The following CEP290 variants were observed in gnomAD, a reference collection of about 807,000 sequenced individuals.
CEP290 encodes centrosomal protein of 290 kDa.
A neutral mutation model predicts 344.9 loss-of-function variants in CEP290; 317 were observed. The ratio of observed to expected loss-of-function variants is 0.92; its 90% CI spans 0.84 to 1.01. The LOEUF (loss-of-function observed/expected upper bound fraction) is 1.01. Ranked by LOEUF, CEP290 falls within the 50% of genes least tolerant of loss-of-function variation. CEP290 has a pLI of 0.00. For synonymous variants in CEP290, 932 were observed against 895.8 expected, an observed-to-expected ratio of 1.04 and a Z score of -0.72; for missense variants, 2,754 against 2,761.4, an observed-to-expected ratio of 1.00 and a Z score of 0.06.
At chr12:88,089,624 C>T (rs1427047654) in intron 30 of CEP290, 137 bp from the exon 31 acceptor site, 3 of 555,504 alleles carry the variant, frequency 5.4e-6, no homozygotes, top group Non-Finnish European at 8.7e-6. Flanking sequence ...TGTAACTTTG[C>T]TTTAATACAA....
chr12:88,105,023 T>C (rs973367706), intron 25 of CEP290, among the ~76,000 whole-genome samples: 2 of 152,170 alleles, frequency 1.3e-5, no homozygotes, highest in African/African-American at 4.8e-5. Flanking sequence ...ACTGAGAGAC[T>C]AGTGGCAATG....
At chr12:88,139,910 G>A (rs1206587738) in intron 3 of CEP290, among the ~76,000 whole-genome samples, 2 of 151,986 alleles carry the variant, frequency 1.3e-5, no homozygotes, top group Non-Finnish European at 1.5e-5. Context: ...CATGCTTGGT[G>A]TGCCATCATG....
chr12:88,054,341 T>C lies in CEP290; in HGVS notation c.7033A>G (p.Arg2345Gly). The C allele has an allele frequency of 1.3e-6, 2 of 1,597,196 alleles. No homozygotes were observed. The highest frequency in any genetic ancestry group is 2.3e-5 in the South Asian group (2 of 87,424). The change falls in exon 51 of 54, where the codon AGA (arginine) becomes GGA (glycine). Residue 2345 changes from arginine (R) to glycine (G), a missense_variant and splice_region_variant. Arg to Gly is a moderately radical substitution (Grantham distance 125). Coordinates refer to ENST00000552810, the MANE Select transcript of CEP290 (RefSeq NM_025114.4). The stretch of plus-strand genomic sequence containing the variant: ...TAGTCATATGAATACATGATGTACC[T>C]AAGAACTTGAAGCTCCCGTTTAAGG... The part of the protein sequence containing the change: ...QGLKRELQVL[R>G]LANHQLDKEK...
At chr12:88,073,804 C>T (rs954416653) in intron 41 of CEP290, among the ~76,000 whole-genome samples, 1 of 152,126 alleles carries the variant, frequency 6.6e-6, no homozygotes, top group African/African-American at 2.4e-5. Flanking sequence ...CAAATTCTCA[C>T]TAAGATTAGT....
At position 88,117,041 on chromosome 12, in the gene CEP290, G is replaced by T; in HGVS notation, c.1816C>A (p.Gln606Lys). Residue 606 changes from glutamine to lysine, a missense_variant, in exon 18 of 54, where the codon CAA becomes AAA. Gln to Lys is a moderately conservative substitution (Grantham distance 53, BLOSUM62 1). Coordinates refer to ENST00000552810, the MANE Select transcript of CEP290 (RefSeq NM_025114.4). ...CAATACTTTACTATTACCTTTGATT[G>T]TGCTTCACTCATATTTTTGAGGCTC... ...LLSLKNMSEA[Q>K]SKNEFLSREL... 5 of 1,345,566 alleles carry T rather than the reference G, an allele frequency of 3.7e-6. No individual in the cohort carries two copies. The highest frequency in any genetic ancestry group is 1.3e-5 in the South Asian group (1 of 78,992). The allele number at this position is 1,345,566 out of a possible 1,614,324, so 83.4% of individuals were successfully genotyped here.
rs760489690 is a variant in CEP290 at position 88,136,742 on chromosome 12, A to T, written c.342T>A (p.Arg114=). The T allele has an allele frequency of 6.2e-7, 1 of 1,613,780 alleles. No individual in the cohort carries two copies. The highest frequency in any genetic ancestry group is 1.1e-5 in the South Asian group (1 of 91,082). ...SAGGRDTRFL[R]NEICQLEKQL... is the part of the protein sequence containing the mutation. The stretch of plus-strand genomic sequence containing the variant: ...GTTTTTCAAGTTGGCAAATTTCATT[A>T]CGTAAAAACCGAGTATCTCGTCCAC... The change falls in exon 6 of 54, where the codon CGT becomes CGA. Residue 114 remains arginine, a synonymous_variant. Coordinates refer to ENST00000552810, the MANE Select transcript of CEP290 (RefSeq NM_025114.4).
chr12:88,134,216 T>C lies in CEP290; in HGVS notation c.441+2427A>G, dbSNP rs115348501. Reference sequence around the variant, plus strand: ...TGTTCCTCCTTAATGAATGGCACTATCTACCTATTTAGTGGCCCAACCCAC... The same window carrying C: ...TGTTCCTCCTTAATGAATGGCACTACCTACCTATTTAGTGGCCCAACCCAC... On this transcript the variant is annotated intron_variant, in intron 6 of 53. Coordinates refer to ENST00000552810, the MANE Select transcript of CEP290 (RefSeq NM_025114.4). Among the ~76,000 whole-genome samples the C allele has an allele frequency of 7.5e-3, 1,147 of 152,336 alleles. 20 individuals are homozygous for C. The highest frequency in any genetic ancestry group is 0.026 in the African/African-American group (1,101 of 41,584).
At chr12:88,096,256 C>T (rs2037423269) in intron 27 of CEP290, among the ~76,000 whole-genome samples, 1 of 152,084 alleles carries the variant, frequency 6.6e-6, no homozygotes, top group Admixed American at 6.5e-5. Context: ...GCCATGTTGG[C>T]CAGGCTGGTC....
At chr12:88,099,792 T>A (rs1182325102) in intron 26 of CEP290, among the ~76,000 whole-genome samples, 1 of 152,120 alleles carries the variant, frequency 6.6e-6, no homozygotes, top group African/African-American at 2.4e-5. Context: ...TATCTTTCTA[T>A]CCATTTTTTT....
At position 88,055,098 on chromosome 12, in the gene CEP290, T is replaced by C. The variant is rs7971275; in HGVS notation, c.6960+478A>G. On this transcript the variant is annotated intron_variant, in intron 50 of 53. Transcript: ENST00000552810. ...AGAACTTTTAAGTTTTATTTTAGGG[T>C]GATGGAGAACCACTGGAAGATTCTG... Among the ~76,000 whole-genome samples the C allele has an allele frequency of 6.3e-3, 965 of 152,208 alleles. 4 individuals are homozygous for C. Among genetic ancestry groups the C allele is most frequent in the Non-Finnish European group, 0.011 (729 of 67,968 alleles).
chr12:88,122,865 T>C (rs2039494272), intron 13 of CEP290, among the ~76,000 whole-genome samples: 1 of 152,144 alleles, frequency 6.6e-6, no homozygotes, highest in African/African-American at 2.4e-5. Flanking sequence ...CTTCAATCTT[T>C]CAGATGACCA....
At chr12:88,126,129 T>C in intron 12 of CEP290, among the ~76,000 whole-genome samples, 187 bp downstream of exon 12, 1 of 152,200 alleles carries the variant, frequency 6.6e-6, no homozygotes, top group East Asian at 1.9e-4. Context: ...GTCTAATCCG[T>C]GATCTAAACT....
intron 41 of CEP290, among the ~76,000 whole-genome samples, chr12:88,075,254 G>T (rs532106432): frequency 7.1e-6 from 1 of 140,844 alleles, no homozygotes; most frequent in Admixed American, 7.5e-5. Flanking sequence ...TTGAGGGCAA[G>T]ATAAACATAT....
At chr12:88,126,023 T>C (rs1352303376) in intron 12 of CEP290, among the ~76,000 whole-genome samples, 1 of 151,996 alleles carries the variant, frequency 6.6e-6, no homozygotes, top group African/African-American at 2.4e-5. Flanking sequence ...TTTCTAAAAG[T>C]TTTTAATCAT....
intron 12 of CEP290, among the ~76,000 whole-genome samples, chr12:88,125,625 T>C (rs1281599111): frequency 6.6e-6 from 1 of 152,048 alleles, no homozygotes; most frequent in Non-Finnish European, 1.5e-5. Flanking sequence ...CTAATGTTTA[T>C]GGCTTCTATA....
At chr12:88,104,366 AGGTATAAAACTAGGTGCAGAAG>A (rs1442235125) in intron 25 of CEP290, among the ~76,000 whole-genome samples, 1 of 152,082 alleles carries the variant, frequency 6.6e-6, no homozygotes, top group East Asian at 1.9e-4. Flanking sequence ...CTACAAGGTA[AGGTATAAAACTAGGTGCAGAAG>A]GGTATACATG....
At chr12:88,062,426 A>G (rs1304220041) in intron 46 of CEP290, among the ~76,000 whole-genome samples, 1 of 152,188 alleles carries the variant, frequency 6.6e-6, no homozygotes, top group Non-Finnish European at 1.5e-5. Flanking sequence ...TCCATAAACA[A>G]AAGGATTCCT....
chr12:88,088,223 A>G (rs1442463409), intron 31 of CEP290, among the ~76,000 whole-genome samples: 2 of 152,230 alleles, frequency 1.3e-5, no homozygotes, highest in South Asian at 2.1e-4. Context: ...AACACTGACT[A>G]TAAGCAGGTC....
rs1487962552 is a variant in CEP290, at chr12:88,096,977, T to C, written c.3014A>G (p.Glu1005Gly). 7.1e-6 allele frequency: 11 copies of C among 1,557,680 alleles called. No homozygotes were observed. In the South Asian group the frequency reaches 1.3e-4, roughly 19 times the overall value. Residue 1005 changes from glutamate to glycine, a missense_variant, in exon 27 of 54, where the codon GAA (glutamate) becomes GGA (glycine). By Grantham distance (98) the Glu-to-Gly change is moderately conservative (BLOSUM62 -2). Coordinates refer to ENST00000552810, the MANE Select transcript of CEP290 (RefSeq NM_025114.4). ...HLECENISLK[E>G]QVESINKELE... ...TTCTTTATTTATAGACTCCACTTGT[T>C]CTTTTAAGGAGATGTTTTCACACTG...
Sources: allele counts gnomAD v4.1 joint callset (sites outside exome capture counted in the v4.1 genomes callset), GRCh38; gene constraint gnomAD v4.1.1; transcripts MANE v1.5; gene names NCBI Gene and HGNC (gene_info 2026-07-23, HGNC 2026-07-21).